The following ZFP1 variants were observed in gnomAD, a reference collection of about 807,000 sequenced individuals.
ZFP1 encodes the protein zinc finger protein 1 homolog.
Under a neutral mutation model 38.5 loss-of-function variants are expected in ZFP1, and 32 were observed. The ratio of observed to expected loss-of-function variants is 0.83; its 90% CI spans 0.63 to 1.12. The LOEUF (loss-of-function observed/expected upper bound fraction) is 1.12. ZFP1 is among the 50% of genes most tolerant of loss of function. The probability of loss-of-function intolerance (pLI) is 0.00; values close to 1 mark genes in which losing one functional copy is unlikely to be tolerated. For missense variants in ZFP1, 616 were observed against 480.8 expected, an observed-to-expected ratio of 1.28 and a Z score of -2.63; for synonymous variants, 245 against 168.8, an observed-to-expected ratio of 1.45 and a Z score of -3.50.
Position 75,169,577 on chromosome 16 carries a change from C to G in ZFP1, c.467C>G (p.Ser156Cys). The change falls in exon 4 of 4, where the codon TCT becomes TGT. Residue 156 changes from serine to cysteine, a missense_variant. By Grantham distance (112) the Ser-to-Cys change is moderately radical. Transcript: ENST00000570010. ...QEKTHSGVEYSEYNKSGKALS... is the reference protein window; with the variant it reads ...QEKTHSGVEYCEYNKSGKALS... The stretch of plus-strand genomic sequence containing the variant: ...AAAACCCACAGTGGAGTAGAATATT[C>G]TGAATACAATAAAAGTGGAAAAGCC... 6.2e-7 allele frequency: 1 copy of G among 1,601,136 alleles called. No homozygotes were observed. Among genetic ancestry groups the G allele is most frequent in the Admixed American group, 1.8e-5 (1 of 55,658 alleles).
the ZFP1 span, among the ~76,000 whole-genome samples, chr16:75,135,750 T>C: frequency 7.4e-6 from 1 of 135,764 alleles, no homozygotes; most frequent in Non-Finnish European, 1.7e-5. Context: ...TCAAAACCTA[T>C]AGAACTTTAC....
chr16:75,170,604 A>G lies in ZFP1; in HGVS notation c.*270A>G, dbSNP rs577676658. 4.8e-4 allele frequency: 172 copies of G among 356,702 alleles called. No homozygotes were observed. Among genetic ancestry groups the G allele is most frequent in the African/African-American group, 3.4e-3 (163 of 48,504 alleles). The allele number at this position is 356,702 out of a possible 1,614,324, so 22.1% of individuals were successfully genotyped here. ...GCTTTTTAAAATCTTGAATGAATTG[A>G]GTATTCTAGACAGCAGCATAAGAAA... On this transcript the variant is annotated 3_prime_UTR_variant, in exon 4 of 4. Transcript: ENST00000570010.
upstream of ZFP1, among the ~76,000 whole-genome samples, chr16:75,145,451 C>T (rs930191997): frequency 1.3e-5 from 2 of 152,160 alleles, no homozygotes; most frequent in Non-Finnish European, 2.9e-5. Flanking sequence ...ACCCATGGCC[C>T]TAAATGAGAA....
chr16:75,151,208 C>G (rs1238621089), intron 1 of ZFP1, among the ~76,000 whole-genome samples: 1 of 151,698 alleles, frequency 6.6e-6, no homozygotes, highest in Non-Finnish European at 1.5e-5. Context: ...CTGACTCCTA[C>G]AACTGATCAT....
At chr16:75,120,868 G>A in the ZFP1 span, among the ~76,000 whole-genome samples, 2 of 151,678 alleles carry the variant, frequency 1.3e-5, no homozygotes, top group Non-Finnish European at 2.9e-5. Context: ...CTCATGATCC[G>A]CCCGCCTCAG....
At chr16:75,138,522 C>A in the ZFP1 span, among the ~76,000 whole-genome samples, 1 of 152,312 alleles carries the variant, frequency 6.6e-6, no homozygotes, top group South Asian at 2.1e-4. Flanking sequence ...TCACGTCCTC[C>A]CAAAGCTCAC....
At chr16:75,156,560 T>C (rs1226365961) in intron 2 of ZFP1, among the ~76,000 whole-genome samples, 3 of 152,210 alleles carry the variant, frequency 2.0e-5, no homozygotes, top group African/African-American at 4.8e-5. Context: ...GCTTTGACTT[T>C]CCTGAGAGTT....
At chr16:75,148,434 A>G (rs1027850349), upstream of ZFP1, 1 of 152,274 alleles carries the variant, frequency 6.6e-6, no homozygotes, top group Non-Finnish European at 1.5e-5. Context: ...TGTAGTCCCG[A>G]ACGTGGATGG....
intron 2 of ZFP1, among the ~76,000 whole-genome samples, chr16:75,160,608 G>A (rs1461179472): frequency 1.4e-5 from 2 of 147,012 alleles, no homozygotes; most frequent in Non-Finnish European, 3.0e-5. Context: ...GTAGTGAGCT[G>A]AGATCATGCC....
chr16:75,141,298 G>A, the ZFP1 span, among the ~76,000 whole-genome samples: 2 of 147,590 alleles, frequency 1.4e-5, no homozygotes, highest in African/African-American at 2.5e-5. Context: ...CGCCTCCCGG[G>A]TTCATGCCAT....
At chr16:75,131,806 A>C in the ZFP1 span, among the ~76,000 whole-genome samples, 1 of 152,132 alleles carries the variant, frequency 6.6e-6, no homozygotes, top group South Asian at 2.1e-4. Flanking sequence ...TCTACTAAAA[A>C]TACAAAAAAC....
rs375281411 is a variant in ZFP1, at chr16:75,151,472, A to T, written c.-43-1437A>T. Among the ~76,000 whole-genome samples, 153 of 151,608 alleles carry T rather than the reference A, an allele frequency of 1.0e-3. No homozygotes were observed. In the Middle Eastern group the frequency reaches 0.014, roughly 13 times the overall value. ...TTAAGTGGGTCTTTTTTATAATTAC[A>T]TTTTATCTCCACTGTTGTCTTATTG... is the stretch of plus-strand genomic sequence containing the variant. On this transcript the variant is annotated intron_variant, in intron 1 of 3. Transcript: ENST00000570010.
the ZFP1 span, among the ~76,000 whole-genome samples, chr16:75,134,732 C>A: frequency 6.8e-6 from 1 of 146,098 alleles, no homozygotes; most frequent in Non-Finnish European, 1.5e-5. Flanking sequence ...GCCTGGGCAA[C>A]ACAGCAAGTC....
Position 75,170,272 on chromosome 16 carries a change from G to A in ZFP1, c.1162G>A (p.Ala388Thr), listed in dbSNP as rs866647839. Residue 388 changes from alanine (A) to threonine (T), a missense_variant, in exon 4 of 4, where the codon GCC (alanine) becomes ACC (threonine). Ala to Thr is a moderately conservative substitution (Grantham distance 58). Coordinates refer to ENST00000570010, the MANE Select transcript of ZFP1 (RefSeq NM_153688.4). Reference protein sequence around the residue: ...KPYECSECGKAFSRKSRLSVH... With the variant: ...KPYECSECGKTFSRKSRLSVH... ...ATATGAGTGTTCCGAATGTGGGAAG[G>A]CCTTTAGCAGGAAGTCCCGACTCAG... 1.2e-6 allele frequency: 2 copies of A among 1,612,098 alleles called. No individual in the cohort carries two copies. The highest frequency in any genetic ancestry group is 3.3e-5 in the Admixed American group (2 of 59,766).
intron 2 of ZFP1, among the ~76,000 whole-genome samples, chr16:75,166,098 C>CATT (rs2038065949): frequency 2.0e-5 from 3 of 152,144 alleles, no homozygotes. Flanking sequence ...GGAAGTTCAT[C>CATT]TTCTGCCTTA....
At chr16:75,120,524 TTTTG>T in the ZFP1 span, among the ~76,000 whole-genome samples, 1 of 150,308 alleles carries the variant, frequency 6.7e-6, no homozygotes, top group African/African-American at 2.4e-5. Flanking sequence ...TTGGGTTTTT[TTTTG>T]TTTTTTTTTT....
rs751052879 is a variant in ZFP1, at chr16:75,169,631, A to T, written c.521A>T (p.His174Leu). ...AGCCATAAAGCAGCCATTTTTAAAC[A>T]TCAGAAAATAAAAAACTTGGTTCAA... ...ALSHKAAIFK[H>L]QKIKNLVQPF... The change falls in exon 4 of 4, where the codon CAT becomes CTT. Residue 174 changes from histidine (H) to leucine (L), a missense_variant. Coordinates refer to ENST00000570010, the MANE Select transcript of ZFP1 (RefSeq NM_153688.4). 1 of 1,593,378 alleles carries T rather than the reference A, an allele frequency of 6.3e-7. No homozygotes were observed. Among genetic ancestry groups the T allele is most frequent in the Admixed American group, 1.9e-5 (1 of 53,268 alleles).
rs1179888787 is a variant in ZFP1, at chr16:75,171,216, GTTT to G, written c.*885_*887del. The G allele has an allele frequency of 6.6e-6, 1 of 152,126 alleles. No homozygotes were observed. Among genetic ancestry groups the G allele is most frequent in the Non-Finnish European group, 1.5e-5 (1 of 68,010 alleles). The allele number at this position is 152,126 out of a possible 1,614,324, so 9.4% of individuals were successfully genotyped here. On this transcript the variant is annotated 3_prime_UTR_variant, in exon 4 of 4. Coordinates refer to ENST00000570010, the MANE Select transcript of ZFP1 (RefSeq NM_153688.4). Reference sequence around the variant, plus strand: ...TGTGTAACACAGACAGAAACCACCTGTTTTTGTCTTTCCTTGTTTCCCTTAATA... The same window carrying G: ...TGTGTAACACAGACAGAAACCACCTGTTGTCTTTCCTTGTTTCCCTTAATA...
the ZFP1 span, among the ~76,000 whole-genome samples, chr16:75,119,014 C>T: frequency 6.6e-6 from 1 of 152,208 alleles, no homozygotes; most frequent in Admixed American, 6.5e-5. Context: ...CAGACCCAAA[C>T]AATGTTCATC....
Sources: gnomAD v4.1 joint callset for allele counts (sites outside exome capture counted in the v4.1 genomes callset) on GRCh38, gnomAD v4.1.1 for gene constraint, MANE v1.5 for transcripts, NCBI Gene and HGNC (gene_info 2026-07-23, HGNC 2026-07-21) for gene names.